BRINP1: variants seen among roughly 807,000 people sequenced by gnomAD.
The protein encoded by BRINP1 is BMP/retinoic acid inducible neural specific 1, also known as BMP/retinoic acid-inducible neural-specific protein 1.
BRINP1 carries 17 observed loss-of-function variants against 72.9 expected under a neutral mutation model. That is an observed-to-expected ratio of 0.23 (90% confidence interval 0.16 to 0.35). BRINP1 has a LOEUF of 0.35. Among genes scored for constraint, BRINP1 ranks in the 10% least tolerant of loss-of-function variants. BRINP1 has a pLI of 1.00. For synonymous variants in BRINP1, 418 were observed against 378.5 expected, an observed-to-expected ratio of 1.10 and a Z score of -1.21; for missense variants, 850 against 1,001.6, an observed-to-expected ratio of 0.85 and a Z score of 2.04.
chr9:119,282,487 A>T (rs1007961082), intron 2 of BRINP1, among the ~76,000 whole-genome samples: 3 of 152,204 alleles, frequency 2.0e-5, no homozygotes, highest in African/African-American at 7.2e-5. Context: ...TGAAAGGAGA[A>T]CTGAACGAGA....
intron 7 of BRINP1, among the ~76,000 whole-genome samples, chr9:119,206,779 C>G (rs187564971): frequency 6.6e-6 from 1 of 152,104 alleles, no homozygotes. Flanking sequence ...CCACAGTGCT[C>G]GATGCAGGTC....
intron 1 of BRINP1, among the ~76,000 whole-genome samples, chr9:119,356,549 T>A (rs967883058): frequency 2.0e-5 from 3 of 152,160 alleles, no homozygotes; most frequent in Non-Finnish European, 4.4e-5. Context: ...ACGCCTGTAA[T>A]CCTAGCACTT....
chr9:119,365,953 C>T (rs555055502), intron 1 of BRINP1, among the ~76,000 whole-genome samples: 8 of 152,182 alleles, frequency 5.3e-5, no homozygotes, highest in African/African-American at 9.6e-5. Flanking sequence ...GCCTGCACCC[C>T]GAAACAGGCA....
At chr9:119,345,729 G>A (rs1163084131) in intron 1 of BRINP1, among the ~76,000 whole-genome samples, 1 of 152,122 alleles carries the variant, frequency 6.6e-6, no homozygotes, top group Non-Finnish European at 1.5e-5. Context: ...CAAGTCTTCT[G>A]AACCAAATCA....
At chr9:119,353,921 A>G (rs1474787158) in intron 1 of BRINP1, among the ~76,000 whole-genome samples, 2 of 140,226 alleles carry the variant, frequency 1.4e-5, no homozygotes, top group Non-Finnish European at 3.0e-5. Context: ...ATTTAGACAG[A>G]GCAGGCCTCA....
At chr9:119,327,325 C>T (rs990733654) in intron 1 of BRINP1, among the ~76,000 whole-genome samples, 3 of 152,182 alleles carry the variant, frequency 2.0e-5, no homozygotes, top group Non-Finnish European at 4.4e-5. Flanking sequence ...AGGCAGGCCC[C>T]AGTGTATGTT....
intron 2 of BRINP1, among the ~76,000 whole-genome samples, chr9:119,254,378 C>T (rs12238422): frequency 0.17 from 25,176 of 151,760 alleles, 2,603 homozygotes; most frequent in East Asian, 0.27. Flanking sequence ...TGAGGAGACA[C>T]CTGAAGGAAA....
At chr9:119,275,682 A>G (rs986012791) in intron 2 of BRINP1, among the ~76,000 whole-genome samples, 2 of 152,228 alleles carry the variant, frequency 1.3e-5, no homozygotes, top group African/African-American at 4.8e-5. Context: ...ATCTCCAGTA[A>G]TACCTATAGT....
chr9:119,197,821 A>G lies in BRINP1; in HGVS notation c.1145+10898T>C, dbSNP rs1020120102. Reference sequence around the variant, plus strand: ...TATTATTATATCTTCTAATATAGCTAAAAAGTTATGAAATAACTAAATTAA... The same window carrying G: ...TATTATTATATCTTCTAATATAGCTGAAAAGTTATGAAATAACTAAATTAA... On this transcript the variant is annotated intron_variant, in intron 7 of 7. Coordinates refer to ENST00000265922, the MANE Select transcript of BRINP1 (RefSeq NM_014618.3). Among the ~76,000 whole-genome samples, 53 of 152,254 alleles carry G rather than the reference A, an allele frequency of 3.5e-4. 1 individual carries two copies. The highest frequency in any genetic ancestry group is 3.5e-3 in the Admixed American group (53 of 15,284).
intron 1 of BRINP1, among the ~76,000 whole-genome samples, chr9:119,354,832 G>A (rs539599955): frequency 6.6e-6 from 1 of 152,298 alleles, no homozygotes. Flanking sequence ...TCATATCACT[G>A]CACTCCAGCA....
At chr9:119,282,781 G>C (rs773454132) in intron 2 of BRINP1, 1 of 984,668 alleles carries the variant, frequency 1.0e-6, no homozygotes, top group Non-Finnish European at 1.2e-6. Flanking sequence ...ATTTTGCCCA[G>C]AAATAATGTT....
chr9:119,333,519 A>T (rs570132870), intron 1 of BRINP1, among the ~76,000 whole-genome samples: 1 of 152,180 alleles, frequency 6.6e-6, no homozygotes, highest in South Asian at 2.1e-4. Context: ...AAATAAAAAA[A>T]AATAAATTTT....
intron 2 of BRINP1, among the ~76,000 whole-genome samples, chr9:119,289,979 A>G (rs1164344171): frequency 6.6e-6 from 1 of 152,212 alleles, no homozygotes; most frequent in Non-Finnish European, 1.5e-5. Context: ...CTACTGGCTG[A>G]TTCACCTGCA....
chr9:119,252,552 ACGTG>A (rs1218348566), intron 2 of BRINP1, among the ~76,000 whole-genome samples: 2 of 146,796 alleles, frequency 1.4e-5, no homozygotes, highest in Non-Finnish European at 3.0e-5. Flanking sequence ...ATATAGTCAT[ACGTG>A]TGTGTGTGTG....
At chr9:119,227,837 GA>G (rs1830107637) in intron 5 of BRINP1, among the ~76,000 whole-genome samples, 1 of 151,938 alleles carries the variant, frequency 6.6e-6, no homozygotes, top group Admixed American at 6.6e-5. Flanking sequence ...CATCCTCTTT[GA>G]GCCTCAATTT....
intron 7 of BRINP1, among the ~76,000 whole-genome samples, chr9:119,186,253 A>G (rs918237903): frequency 3.9e-5 from 6 of 152,064 alleles, no homozygotes; most frequent in African/African-American, 1.4e-4. Flanking sequence ...CCCCCAGGGA[A>G]ATGAAGCTTT....
At chr9:119,337,278 G>A (rs1417579030) in intron 1 of BRINP1, among the ~76,000 whole-genome samples, 2 of 152,162 alleles carry the variant, frequency 1.3e-5, no homozygotes, top group Admixed American at 6.5e-5. Flanking sequence ...AAGGAATGAC[G>A]TGGCCAGGTG....
chr9:119,245,615 T>A (rs1481743285), intron 3 of BRINP1, among the ~76,000 whole-genome samples: 1 of 152,190 alleles, frequency 6.6e-6, no homozygotes, highest in Non-Finnish European at 1.5e-5. Context: ...GGAAATCTCT[T>A]ATTTGTTGGC....
chr9:119,221,353 G>A (rs760727603), intron 5 of BRINP1, among the ~76,000 whole-genome samples: 1 of 152,076 alleles, frequency 6.6e-6, no homozygotes, highest in Non-Finnish European at 1.5e-5. Flanking sequence ...GCAGATAAAG[G>A]ACTTTATGGC....
Sources: allele counts gnomAD v4.1 joint callset (sites outside exome capture counted in the v4.1 genomes callset), GRCh38; gene constraint gnomAD v4.1.1; transcripts MANE v1.5; gene names NCBI Gene and HGNC (gene_info 2026-07-23, HGNC 2026-07-21).